ATR: variants seen among roughly 807,000 people sequenced by gnomAD.
ATR encodes ATR checkpoint kinase, also known as serine/threonine-protein kinase ATR.
A neutral mutation model predicts 305.3 loss-of-function variants in ATR; 142 were observed. That is an observed-to-expected ratio of 0.47 (90% CI 0.41 to 0.53). The LOEUF is 0.53. Among genes scored for constraint, ATR ranks in the 20% least tolerant of loss-of-function variants. The probability of loss-of-function intolerance (pLI) is 0.00; values close to 1 mark genes in which losing one functional copy is unlikely to be tolerated. For missense variants in ATR, 2,135 were observed against 3,133.1 expected (o/e 0.68, Z 7.60); for synonymous variants, 1,050 against 1,068.1 (o/e 0.98, Z 0.33).
At chr3:142,574,730 C>A (rs1437854431) in intron 1 of ATR, among the ~76,000 whole-genome samples, 2 of 152,188 alleles carry the variant, frequency 1.3e-5, no homozygotes, top group East Asian at 3.9e-4. Context: ...TAAGAACTGA[C>A]AGGCCCAAGA....
At chr3:142,553,143 A>G in intron 13 of ATR, 84 bp downstream of exon 13, 1 of 1,488,854 alleles carries the variant, frequency 6.7e-7, no homozygotes, top group Non-Finnish European at 9.2e-7. Flanking sequence ...CAAGCAAAAT[A>G]AAACATGTAT....
intron 34 of ATR, among the ~76,000 whole-genome samples, chr3:142,495,054 T>A (rs556747998): frequency 1.3e-5 from 2 of 152,254 alleles, no homozygotes; most frequent in South Asian, 4.1e-4. Flanking sequence ...GCAGAAGGAA[T>A]TTAAGATGAT....
Position 142,486,038 on chromosome 3 carries a change from CCT to C in ATR, c.6079-758_6079-757del, listed in dbSNP as rs533684726. Among the ~76,000 whole-genome samples the C allele has an allele frequency of 4.0e-5, 6 of 151,700 alleles. No individual in the cohort carries two copies. In the South Asian group the frequency reaches 1.2e-3, roughly 31 times the overall value. On this transcript the variant is annotated intron_variant, in intron 35 of 46. Transcript: ENST00000350721. The stretch of plus-strand genomic sequence containing the variant: ...GAGGCCACCATCTTCCAAGTTTTCT[CCT>C]CTCTTTCTGGCCACTCTCACTTAGT...
At chr3:142,554,435 C>T (rs1205441456) in intron 10 of ATR, among the ~76,000 whole-genome samples, 1 of 152,128 alleles carries the variant, frequency 6.6e-6, no homozygotes, top group Non-Finnish European at 1.5e-5. Flanking sequence ...ACCATGTTGC[C>T]CAGACTGGTC....
Position 142,538,630 on chromosome 3 carries a change from G to A in ATR, c.3582-5C>T. 1 of 1,613,182 alleles carries A rather than the reference G, an allele frequency of 6.2e-7. No individual in the cohort carries two copies. Among genetic ancestry groups the A allele is most frequent in the African/African-American group, 1.3e-5 (1 of 74,958 alleles). ...CGAACAAAGCAGTCCCAAGCTCTAT[G>A]TGAAAAAACAAATAGAAATGAAGTC... On this transcript the variant is annotated splice_polypyrimidine_tract_variant and splice_region_variant and intron_variant, in intron 18 of 46. Coordinates refer to ENST00000350721, the MANE Select transcript of ATR (RefSeq NM_001184.4).
intron 36 of ATR, among the ~76,000 whole-genome samples, chr3:142,482,849 G>A (rs943525817): frequency 6.7e-6 from 1 of 148,990 alleles, no homozygotes; most frequent in South Asian, 2.2e-4. Flanking sequence ...AAAAAAAAAA[G>A]AAGAACTGCC....
At chr3:142,510,309 A>G (rs1441317538) in intron 27 of ATR, among the ~76,000 whole-genome samples, 1 of 151,958 alleles carries the variant, frequency 6.6e-6, no homozygotes, top group Non-Finnish European at 1.5e-5. Context: ...CAGCCTGGCC[A>G]ACATGGTGAA....
intron 19 of ATR, 46 bp downstream of exon 19, chr3:142,538,436 A>G (rs1168494300): frequency 1.9e-6 from 3 of 1,574,668 alleles, no homozygotes; most frequent in Admixed American, 3.4e-5. Context: ...ACATAAAAAT[A>G]CAGTTTAAAA....
At chr3:142,544,258 G>T (rs187329678) in intron 16 of ATR, among the ~76,000 whole-genome samples, 2 of 151,510 alleles carry the variant, frequency 1.3e-5, no homozygotes, top group African/African-American at 4.8e-5. Flanking sequence ...AGAAGTTTGA[G>T]ACCAGCCTGG....
chr3:142,553,306 G>C lies in ATR; in HGVS notation c.2726C>G (p.Thr909Arg), dbSNP rs2108462287. ...AGCTGCAACCAGAGCTCTAATTTCT[G>C]TGTATGCTGCTCCAGAGACAGATGC... is the stretch of plus-strand genomic sequence containing the variant. ...KSASVSGAAY[T>R]EIRALVAAKS... Residue 909 changes from threonine (T) to arginine (R), a missense_variant, in exon 13 of 47, where the codon ACA becomes AGA. Coordinates refer to ENST00000350721, the MANE Select transcript of ATR (RefSeq NM_001184.4). 6.2e-7 allele frequency: 1 copy of C among 1,614,042 alleles called. No individual in the cohort carries two copies. Among genetic ancestry groups the C allele is most frequent in the Non-Finnish European group, 8.5e-7 (1 of 1,180,002 alleles).
intron 15 of ATR, among the ~76,000 whole-genome samples, chr3:142,549,210 G>T (rs2034387986): frequency 6.6e-6 from 1 of 152,114 alleles, no homozygotes; most frequent in Non-Finnish European, 1.5e-5. Context: ...CCAATCAACT[G>T]AAAAGTACTA....
At chr3:142,468,350 G>A (rs1414964407) in intron 38 of ATR, among the ~76,000 whole-genome samples, 1 of 151,958 alleles carries the variant, frequency 6.6e-6, no homozygotes, top group African/African-American at 2.4e-5. Flanking sequence ...AAGAAAAATA[G>A]AAATAACCTT....
chr3:142,499,420 G>A (rs556592860), intron 31 of ATR, among the ~76,000 whole-genome samples: 2 of 150,818 alleles, frequency 1.3e-5, no homozygotes, highest in South Asian at 2.1e-4. Flanking sequence ...TCAGCCTCCC[G>A]AGTAGTTGGG....
At chr3:142,526,481 T>C (rs781202152) in intron 21 of ATR, among the ~76,000 whole-genome samples, 4 of 152,020 alleles carry the variant, frequency 2.6e-5, no homozygotes, top group Non-Finnish European at 5.9e-5. Context: ...GGAATGTTTC[T>C]TGTTTCCCAT....
At chr3:142,452,053 G>C in intron 46 of ATR, 1 of 1,023,884 alleles carries the variant, frequency 9.8e-7, no homozygotes, top group Non-Finnish European at 1.2e-6. Flanking sequence ...CCCTACAGAT[G>C]AAGATAATAG....
chr3:142,470,173 A>G lies in ATR; in HGVS notation c.6232T>C (p.Tyr2078His), dbSNP rs1183951151. Reference protein sequence around the residue: ...IVLHFGRSLQYGNQFIYQSMP... With the variant: ...IVLHFGRSLQHGNQFIYQSMP... ...GACTGATATATGAACTGATTTCCAT[A>G]TTGTAGAGATCTGCAATTATATAGA... Residue 2078 changes from tyrosine (Y) to histidine (H), a missense_variant, in exon 37 of 47, where the codon TAT becomes CAT. By Grantham distance (83) the Tyr-to-His change is moderately conservative. Around this residue, in one of 9 missense-constraint regions of ATR, gnomAD observed 462 missense variants for 887.6 expected, o/e 0.52. Transcript: ENST00000350721. The G allele has an allele frequency of 1.2e-6, 2 of 1,600,602 alleles. No homozygotes were observed. The highest frequency in any genetic ancestry group is 2.7e-5 in the African/African-American group (2 of 74,720).
chr3:142,542,938 A>C (rs529295730), intron 16 of ATR, among the ~76,000 whole-genome samples, 181 bp from the exon 17 acceptor site: 2 of 152,336 alleles, frequency 1.3e-5, no homozygotes, highest in South Asian at 4.1e-4. Flanking sequence ...TATTTAAAGA[A>C]ACATGTAGTA....
chr3:142,537,349 T>C (rs960857630), intron 19 of ATR, among the ~76,000 whole-genome samples: 1 of 152,086 alleles, frequency 6.6e-6, no homozygotes, highest in African/African-American at 2.4e-5. Context: ...TCCCAAAGTA[T>C]TGGTATTGTT....
rs975912036 is a variant in ATR, at chr3:142,467,038, C to T, written c.6688-505G>A. Among the ~76,000 whole-genome samples the T allele has an allele frequency of 6.6e-5, 10 of 152,234 alleles. 1 individual carries two copies. The highest frequency in any genetic ancestry group is 3.3e-4 in the Admixed American group (5 of 15,286). Reference sequence around the variant, plus strand: ...ACACTGTTTTTGATAATGTCAAGTGCATCAGAGGTCAAATGGGATTAATGG... The same window carrying T: ...ACACTGTTTTTGATAATGTCAAGTGTATCAGAGGTCAAATGGGATTAATGG... On this transcript the variant is annotated intron_variant, in intron 39 of 46. Transcript: ENST00000350721.
Sources: allele counts gnomAD v4.1 joint callset (sites outside exome capture counted in the v4.1 genomes callset), GRCh38; gene constraint gnomAD v4.1.1; regional missense constraint gnomAD v4.1.1; transcripts MANE v1.5; gene names NCBI Gene and HGNC (gene_info 2026-07-23, HGNC 2026-07-21).